The following PLXNA4 variants were observed in gnomAD, a reference collection of about 807,000 sequenced individuals.
PLXNA4 encodes plexin A4, also known as plexin-A4.
PLXNA4 carries 44 observed loss-of-function variants against 191.8 expected under a neutral mutation model. The ratio of observed to expected loss-of-function variants is 0.23; its 90% CI spans 0.18 to 0.29. PLXNA4 has a LOEUF of 0.29. Ranked by LOEUF, PLXNA4 falls within the 10% of genes least tolerant of loss-of-function variation. PLXNA4 has a pLI of 1.00. For synonymous variants in PLXNA4, 1,082 were observed against 1,009.5 expected, an observed-to-expected ratio of 1.07 and a Z score of -1.36; for missense variants, 1,800 against 2,488.8, an observed-to-expected ratio of 0.72 and a Z score of 5.89.
chr7:132,534,419 G>GCC (rs1799749643), intron 1 of PLXNA4, among the ~76,000 whole-genome samples: 1 of 152,164 alleles, frequency 6.6e-6, no homozygotes, highest in Non-Finnish European at 1.5e-5. Flanking sequence ...AGAGACCTGA[G>GCC]GTTCCTTCCA....
At chr7:132,232,362 T>C (rs1798553463) in intron 5 of PLXNA4, among the ~76,000 whole-genome samples, 1 of 152,172 alleles carries the variant, frequency 6.6e-6, no homozygotes, top group Non-Finnish European at 1.5e-5. Flanking sequence ...GCATATACTG[T>C]GTGACTTGGA....
intron 3 of PLXNA4, among the ~76,000 whole-genome samples, chr7:132,376,099 T>G (rs370466418): frequency 1.8e-3 from 278 of 152,162 alleles, no homozygotes; most frequent in Middle Eastern, 0.01. Flanking sequence ...CCCCATGGTG[T>G]TGTTGTGAGA....
intron 2 of PLXNA4, among the ~76,000 whole-genome samples, chr7:132,600,030 C>A (rs1802787310): frequency 6.6e-6 from 1 of 152,048 alleles, no homozygotes. Context: ...GGAATAAATC[C>A]TACTTGATAA....
chr7:132,217,594 A>G (rs1287299569), intron 9 of PLXNA4, among the ~76,000 whole-genome samples: 1 of 152,074 alleles, frequency 6.6e-6, no homozygotes, highest in Non-Finnish European at 1.5e-5. Context: ...CCCTAACCCC[A>G]ACCAACCCTC....
intron 13 of PLXNA4, among the ~76,000 whole-genome samples, chr7:132,196,020 G>A (rs1017597717): frequency 2.0e-5 from 3 of 152,158 alleles, no homozygotes; most frequent in Admixed American, 6.5e-5. Flanking sequence ...CATGTTTGGT[G>A]TTTGAAACAA....
chr7:132,439,702 T>C (rs944123404), intron 3 of PLXNA4, among the ~76,000 whole-genome samples: 5 of 152,148 alleles, frequency 3.3e-5, no homozygotes, highest in Non-Finnish European at 5.9e-5. Flanking sequence ...AGACCTGAAC[T>C]CAGAGGTTCG....
intron 3 of PLXNA4, among the ~76,000 whole-genome samples, chr7:132,352,177 G>A (rs912356073): frequency 1.1e-4 from 17 of 152,126 alleles, no homozygotes; most frequent in Admixed American, 7.2e-4. Flanking sequence ...CCATCCCAGG[G>A]GCTGGGCAGA....
In PLXNA4 at chr7:132,385,149, C is replaced by T. The variant is rs779568359; in HGVS notation, c.1372-86927G>A. On this transcript the variant is annotated intron_variant, in intron 3 of 31. Transcript: ENST00000321063. ...TCCATTTTCCAATATCCAAGGCTGACAACACACTAAATAAGCCTACACAGC... is the reference window on the plus strand; with the variant it reads ...TCCATTTTCCAATATCCAAGGCTGATAACACACTAAATAAGCCTACACAGC... The T allele has an allele frequency of 1.2e-5, 20 of 1,611,734 alleles. No homozygotes were observed. In the South Asian group the frequency reaches 2.0e-4, roughly 16 times the overall value.
chr7:132,499,662 C>T (rs1393387013), intron 2 of PLXNA4, among the ~76,000 whole-genome samples: 1 of 152,164 alleles, frequency 6.6e-6, no homozygotes, highest in Non-Finnish European at 1.5e-5. Context: ...TGCTGGGAAG[C>T]AGTGGCCCTG....
At chr7:132,608,278 G>A (rs973623363) in intron 2 of PLXNA4, among the ~76,000 whole-genome samples, 2 of 151,484 alleles carry the variant, frequency 1.3e-5, no homozygotes, top group Non-Finnish European at 2.9e-5. Context: ...GCTGAGAGCT[G>A]TAAGAAGCCA....
At chr7:132,567,491 T>C (rs1801788509) in intron 1 of PLXNA4, among the ~76,000 whole-genome samples, 1 of 152,174 alleles carries the variant, frequency 6.6e-6, no homozygotes, top group Non-Finnish European at 1.5e-5. Context: ...TCCTCTGGAA[T>C]AGCCAGTCAG....
chr7:132,141,211 CTG>C (rs917669026), intron 29 of PLXNA4, among the ~76,000 whole-genome samples: 1 of 152,158 alleles, frequency 6.6e-6, no homozygotes, highest in African/African-American at 2.4e-5. Context: ...AGTTGGCAAA[CTG>C]TAAGGAATTG....
chr7:132,548,793 C>A (rs998764942), intron 1 of PLXNA4, among the ~76,000 whole-genome samples: 1 of 152,128 alleles, frequency 6.6e-6, no homozygotes, highest in African/African-American at 2.4e-5. Flanking sequence ...TATGGGTTGG[C>A]ACAAGATACA....
intron 3 of PLXNA4, among the ~76,000 whole-genome samples, chr7:132,307,390 C>T (rs891248887): frequency 3.9e-5 from 6 of 152,198 alleles, no homozygotes; most frequent in South Asian, 2.1e-4. Flanking sequence ...ATACACACCA[C>T]GGGAGCAGAA....
chr7:132,574,723 G>T (rs532577924), intron 1 of PLXNA4, among the ~76,000 whole-genome samples: 1 of 152,158 alleles, frequency 6.6e-6, no homozygotes, highest in African/African-American at 2.4e-5. Flanking sequence ...TCTCCCTCCC[G>T]GGGTGTCTGC....
At position 132,126,789 on chromosome 7, in the gene PLXNA4, G is replaced by A. The variant is rs1310442735; in HGVS notation, c.*3690C>T. 2.6e-5 allele frequency: 4 copies of A among 152,232 alleles called. No homozygotes were observed. Among genetic ancestry groups the A allele is most frequent in the African/African-American group, 9.7e-5 (4 of 41,442 alleles). 9.4% of individuals were successfully genotyped at this position (152,232 alleles called of 1,614,324 possible). On this transcript the variant is annotated 3_prime_UTR_variant, in exon 32 of 32. Transcript: ENST00000321063. Reference sequence around the variant, plus strand: ...GGTAGGCTTTAGGGGCTGGCTTTGGGTGCAGGGATCATGCTGCCATTGGAA... The same window carrying A: ...GGTAGGCTTTAGGGGCTGGCTTTGGATGCAGGGATCATGCTGCCATTGGAA...
chr7:132,488,075 T>G, intron 3 of PLXNA4, among the ~76,000 whole-genome samples: 1 of 152,212 alleles, frequency 6.6e-6, no homozygotes, highest in East Asian at 1.9e-4. Context: ...GACACCATTC[T>G]TGCAGAGTAC....
intron 1 of PLXNA4, among the ~76,000 whole-genome samples, chr7:132,534,452 G>A (rs2342514): frequency 8.5e-5 from 13 of 152,220 alleles, no homozygotes; most frequent in South Asian, 2.1e-4. Context: ...CTACCCTGGC[G>A]TCCACATATC....
chr7:132,196,799 T>G (rs532067263), intron 13 of PLXNA4, among the ~76,000 whole-genome samples: 1 of 152,334 alleles, frequency 6.6e-6, no homozygotes, highest in South Asian at 2.1e-4. Context: ...CACTCCCTAT[T>G]GTTTTAATTT....
Sources: allele counts gnomAD v4.1 joint callset (sites outside exome capture counted in the v4.1 genomes callset), GRCh38; gene constraint gnomAD v4.1.1; transcripts MANE v1.5; gene names NCBI Gene and HGNC (gene_info 2026-07-23, HGNC 2026-07-21).